AP4E1: variants seen among roughly 807,000 people sequenced by gnomAD.
AP4E1 encodes the protein adaptor related protein complex 4 subunit epsilon 1, also known as AP-4 complex subunit epsilon-1.
A neutral mutation model predicts 128.2 loss-of-function variants in AP4E1; 56 were observed. The observed-to-expected ratio is 0.44, with a 90% CI of 0.35 to 0.55. AP4E1 has a LOEUF of 0.55. Ranked by LOEUF, AP4E1 falls within the 20% of genes least tolerant of loss-of-function variation. The pLI is 0.00. For missense variants in AP4E1, 1,324 were observed against 1,307.7 expected, an observed-to-expected ratio of 1.01 and a Z score of -0.19; for synonymous variants, 484 against 473.1, an observed-to-expected ratio of 1.02 and a Z score of -0.30.
chr15:50,948,597 A>C (rs554122374), intron 11 of AP4E1, among the ~76,000 whole-genome samples: 50 of 152,294 alleles, frequency 3.3e-4, no homozygotes, highest in African/African-American at 1.2e-3. Context: ...GAACTCTATT[A>C]ACATGTTACT....
intron 15 of AP4E1, among the ~76,000 whole-genome samples, chr15:50,971,788 C>T (rs1414948180): frequency 6.6e-6 from 1 of 151,848 alleles, no homozygotes; most frequent in Admixed American, 6.6e-5. Context: ...TCTAGGATTT[C>T]TGTTTGGTTC....
intron 3 of AP4E1, among the ~76,000 whole-genome samples, chr15:50,922,661 A>C (rs994676672): frequency 6.6e-6 from 1 of 152,202 alleles, no homozygotes; most frequent in Non-Finnish European, 1.5e-5. Context: ...AAGATAGACT[A>C]TGTGGAGAGG....
intron 17 of AP4E1, among the ~76,000 whole-genome samples, chr15:50,994,268 T>A (rs2064842565): frequency 6.6e-6 from 1 of 152,218 alleles, no homozygotes; most frequent in Admixed American, 6.5e-5. Flanking sequence ...GAATGACAAG[T>A]TGGAGTGAAG....
rs2064419821 is a variant in AP4E1, at chr15:50,968,150, T to C, written c.1852-113T>C. The stretch of plus-strand genomic sequence containing the variant: ...AGCATTTTTAGAACTGAAGTTTTCA[T>C]TTCTCATTTAGAATTTTAAAAAATA... On this transcript the variant is annotated intron_variant, in intron 14 of 20. Coordinates refer to ENST00000261842, the MANE Select transcript of AP4E1 (RefSeq NM_007347.5). 3.9e-6 allele frequency: 3 copies of C among 766,434 alleles called. No homozygotes were observed. In the Admixed American group the frequency reaches 7.7e-5, roughly 20 times the overall value. 47.5% of individuals were successfully genotyped at this position (766,434 alleles called of 1,614,324 possible). A position where few individuals can be genotyped will look rare whatever the true frequency, so the allele number is the denominator to read the frequency against.
intron 15 of AP4E1, among the ~76,000 whole-genome samples, chr15:50,979,724 C>T (rs1358464182): frequency 6.6e-6 from 1 of 152,070 alleles, no homozygotes; most frequent in Non-Finnish European, 1.5e-5. Flanking sequence ...AGGGTTTCAC[C>T]ACAGTGGCCA....
Position 50,949,923 on chromosome 15 carries a change from A to C in AP4E1, c.1414A>C (p.Arg472=). The C allele has an allele frequency of 1.2e-6, 2 of 1,612,948 alleles. No individual in the cohort carries two copies. Among genetic ancestry groups the C allele is most frequent in the Non-Finnish European group, 1.7e-6 (2 of 1,179,048 alleles). The part of the protein sequence containing the change: ...MHPDIPNNFL[R]LLAEGFDDET... ...TCCTGATATTCCCAATAACTTTCTG[A>C]GACTACTAGCGGAAGGTTGGTACAC... The change falls in exon 12 of 21, where the codon AGA becomes CGA. Residue 472 remains arginine (R), a synonymous_variant. Coordinates refer to ENST00000261842, the MANE Select transcript of AP4E1 (RefSeq NM_007347.5).
At chr15:50,978,253 T>G (rs186964756) in intron 15 of AP4E1, among the ~76,000 whole-genome samples, 1 of 152,230 alleles carries the variant, frequency 6.6e-6, no homozygotes, top group East Asian at 1.9e-4. Context: ...ATTAATAAAA[T>G]GTGTTATAAC....
intron 17 of AP4E1, among the ~76,000 whole-genome samples, chr15:50,994,929 C>T (rs1337701515): frequency 6.6e-6 from 1 of 151,742 alleles, no homozygotes; most frequent in East Asian, 1.9e-4. Flanking sequence ...TTTGACTTAC[C>T]CCTTATAATT....
chr15:50,936,956 T>A (rs1596469820), intron 8 of AP4E1, among the ~76,000 whole-genome samples: 1 of 152,208 alleles, frequency 6.6e-6, no homozygotes, highest in East Asian at 1.9e-4. Flanking sequence ...AAAAAATGAT[T>A]GCTTGAACCA....
intron 4 of AP4E1, among the ~76,000 whole-genome samples, chr15:50,924,826 T>C (rs1445672552): frequency 6.6e-6 from 1 of 152,204 alleles, no homozygotes; most frequent in Non-Finnish European, 1.5e-5. Flanking sequence ...TTTTAAAGGC[T>C]GTAATAAAGG....
chr15:50,969,415 A>G (rs1438838613), intron 15 of AP4E1, among the ~76,000 whole-genome samples: 1 of 152,176 alleles, frequency 6.6e-6, no homozygotes, highest in Non-Finnish European at 1.5e-5. Flanking sequence ...GTTGACACAT[A>G]TTAGTCTGAG....
At chr15:50,958,048 C>T (rs79772615) in intron 13 of AP4E1, among the ~76,000 whole-genome samples, 2,594 of 152,044 alleles carry the variant, frequency 0.017, 29 homozygotes, top group Non-Finnish European at 0.026. Context: ...TGTATATTCT[C>T]GGGGACCACA....
At chr15:50,999,363 A>G in intron 19 of AP4E1, 101 bp downstream of exon 19, 2 of 971,528 alleles carry the variant, frequency 2.1e-6, no homozygotes, top group Non-Finnish European at 1.5e-6. Flanking sequence ...TAGGGAGTAT[A>G]ACAGTTAAAA....
At position 50,993,552 on chromosome 15, in the gene AP4E1, A is replaced by T; in HGVS notation, c.2273A>T (p.Lys758Ile). Residue 758 changes from lysine to isoleucine, a missense_variant, in exon 17 of 21, where the codon AAA (lysine) becomes ATA (isoleucine). Lys to Ile is a moderately radical substitution (Grantham distance 102, BLOSUM62 -3). Coordinates refer to ENST00000261842, the MANE Select transcript of AP4E1 (RefSeq NM_007347.5). ...KDQSQVLTQS[K>I]EEKEKQLLAS... is the part of the protein sequence containing the mutation. ...CAATCTCAAGTTCTTACCCAATCTA[A>T]AGAGGAGAAAGAAAAGCAGCTGCTG... 1 of 1,614,010 alleles carries T rather than the reference A, an allele frequency of 6.2e-7. No homozygotes were observed. The highest frequency in any genetic ancestry group is 8.5e-7 in the Non-Finnish European group (1 of 1,179,940).
At chr15:50,908,051 TGAG>T (rs1309518537), upstream of AP4E1, among the ~76,000 whole-genome samples, 1 of 152,144 alleles carries the variant, frequency 6.6e-6, no homozygotes, top group African/African-American at 2.4e-5. Flanking sequence ...TGCGACCTGC[TGAG>T]GAGGAGTCGG....
intron 14 of AP4E1, among the ~76,000 whole-genome samples, chr15:50,966,829 G>A (rs1254208370): frequency 2.0e-5 from 3 of 152,168 alleles, no homozygotes; most frequent in Admixed American, 6.5e-5. Context: ...GAGCCACCAC[G>A]CGTGGCCTAA....
At chr15:50,996,743 G>T (rs2064880178) in intron 17 of AP4E1, among the ~76,000 whole-genome samples, 1 of 152,190 alleles carries the variant, frequency 6.6e-6, no homozygotes, top group African/African-American at 2.4e-5. Flanking sequence ...TGTCAAGTTT[G>T]CCATTCTATC....
At chr15:50,955,212 G>A (rs1392933769) in intron 13 of AP4E1, among the ~76,000 whole-genome samples, 2 of 152,182 alleles carry the variant, frequency 1.3e-5, no homozygotes, top group Non-Finnish European at 2.9e-5. Context: ...TGGGATGGCT[G>A]GATCAAATGG....
intron 1 of AP4E1, among the ~76,000 whole-genome samples, chr15:50,911,571 T>TGCC (rs1405946591): frequency 2.1e-4 from 31 of 150,160 alleles, no homozygotes; most frequent in African/African-American, 6.9e-4. Context: ...CAACATTCAC[T>TGCC]TCCCGGGTTC....
Sources: allele counts gnomAD v4.1 joint callset (sites outside exome capture counted in the v4.1 genomes callset), GRCh38; gene constraint gnomAD v4.1.1; transcripts MANE v1.5; gene names NCBI Gene and HGNC (gene_info 2026-07-23, HGNC 2026-07-21).